Variants in SIL1 observed in about 807,000 individuals in gnomAD.
SIL1 encodes the protein nucleotide exchange factor SIL1.
Under a neutral mutation model 49.1 loss-of-function variants are expected in SIL1, and 40 were observed. The ratio of observed to expected loss-of-function variants is 0.81; its 90% CI spans 0.63 to 1.06. SIL1 has a LOEUF of 1.06. Ranked by LOEUF, SIL1 falls within the 50% of genes least tolerant of loss-of-function variation. The pLI is 0.00. For missense variants in SIL1, 500 were observed against 572.6 expected (o/e 0.87, Z 1.29); for synonymous variants, 253 against 250.8 (o/e 1.01, Z -0.08).
chr5:139,047,005 C>T (rs562128019), intron 4 of SIL1, among the ~76,000 whole-genome samples: 21 of 152,332 alleles, frequency 1.4e-4, no homozygotes, highest in African/African-American at 3.1e-4. Flanking sequence ...TATCCCAATG[C>T]CTGGCACGTG....
At chr5:138,977,465 C>CT (rs1003729639) in intron 7 of SIL1, among the ~76,000 whole-genome samples, 78 of 150,084 alleles carry the variant, frequency 5.2e-4, no homozygotes, top group African/African-American at 1.6e-3. Flanking sequence ...TCAGAGGAAT[C>CT]TTTTTTTTTT....
chr5:139,141,795 CTG>C (rs1182793726), intron 1 of SIL1, among the ~76,000 whole-genome samples: 2 of 152,218 alleles, frequency 1.3e-5, no homozygotes, highest in African/African-American at 2.4e-5. Context: ...TTATGGAAAA[CTG>C]TGCTCAATGG....
intron 7 of SIL1, among the ~76,000 whole-genome samples, chr5:138,968,273 C>G (rs772777871): frequency 1.3e-4 from 20 of 152,136 alleles, no homozygotes; most frequent in Non-Finnish European, 2.1e-4. Flanking sequence ...CCTCCCCTGG[C>G]CCCTGGGGAA....
At chr5:139,137,192 T>C in intron 1 of SIL1, 2 of 583,312 alleles carry the variant, frequency 3.4e-6, no homozygotes, top group Non-Finnish European at 6.2e-6. Flanking sequence ...ATAATTATAG[T>C]CAACATTTAT....
intron 7 of SIL1, among the ~76,000 whole-genome samples, chr5:139,001,263 T>G (rs1040494937): frequency 2.6e-5 from 4 of 152,210 alleles, no homozygotes; most frequent in Admixed American, 2.0e-4. Flanking sequence ...ACATAGTGGT[T>G]TATTTCCACT....
chr5:139,096,151 G>A (rs1770458006), intron 3 of SIL1, among the ~76,000 whole-genome samples: 1 of 152,172 alleles, frequency 6.6e-6, no homozygotes, highest in Admixed American at 6.5e-5. Flanking sequence ...CACAGCAACT[G>A]TGAGGCACTG....
intron 1 of SIL1, among the ~76,000 whole-genome samples, chr5:139,137,143 T>C (rs945671511): frequency 6.6e-6 from 1 of 152,260 alleles, no homozygotes; most frequent in Admixed American, 6.5e-5. Context: ...TCAAATATAC[T>C]ATCTGGGCAT....
intron 1 of SIL1, among the ~76,000 whole-genome samples, chr5:139,149,016 G>C (rs571592632): frequency 1.3e-5 from 2 of 152,030 alleles, no homozygotes; most frequent in African/African-American, 4.8e-5. Context: ...TAATATCACA[G>C]ACTCTCACCC....
chr5:139,170,093 T>C (rs1751717551), intron 1 of SIL1, among the ~76,000 whole-genome samples: 2 of 152,212 alleles, frequency 1.3e-5, no homozygotes, highest in South Asian at 4.1e-4. Flanking sequence ...GGTCTCCAGC[T>C]CCTAACCGCG....
At position 139,176,126 on chromosome 5, in the gene SIL1, G is replaced by A. The variant is rs190095122; in HGVS notation, c.-11+22143C>T. ...TCCTCCCACATCGGCCTCCCAAAGT[G>A]CTGGGATTACAAGCATGAGCCACTG... On this transcript the variant is annotated intron_variant, in intron 1 of 9. Coordinates refer to ENST00000394817, the MANE Select transcript of SIL1 (RefSeq NM_022464.5). 4.8e-3 allele frequency among the ~76,000 whole-genome samples: 723 copies of A among 152,210 alleles called. 3 individuals carry two copies. The highest frequency in any genetic ancestry group is 0.017 in the African/African-American group (689 of 41,532).
At chr5:139,196,485 C>T (rs1423078187) in intron 1 of SIL1, 1 of 152,194 alleles carries the variant, frequency 6.6e-6, no homozygotes, top group East Asian at 1.9e-4. Flanking sequence ...CAATGAAACA[C>T]ACCAGGGCTC....
intron 1 of SIL1, among the ~76,000 whole-genome samples, chr5:139,132,111 G>T (rs1750877037): frequency 6.6e-6 from 1 of 152,110 alleles, no homozygotes; most frequent in Non-Finnish European, 1.5e-5. Context: ...TACAGCTAGG[G>T]ATCAACAACG....
At chr5:138,988,420 C>T (rs1236932939) in intron 7 of SIL1, among the ~76,000 whole-genome samples, 2 of 152,188 alleles carry the variant, frequency 1.3e-5, no homozygotes, top group African/African-American at 4.8e-5. Context: ...TTTTGTGAGT[C>T]ATATTGGCTC....
chr5:139,051,266 A>C, intron 3 of SIL1: 2 of 578,912 alleles, frequency 3.5e-6, no homozygotes, highest in African/African-American at 1.9e-5. Flanking sequence ...ATGACGTAAG[A>C]TGGGCAAGAG....
intron 7 of SIL1, among the ~76,000 whole-genome samples, chr5:138,989,944 T>C (rs1767722298): frequency 6.6e-6 from 1 of 152,020 alleles, no homozygotes; most frequent in Non-Finnish European, 1.5e-5. Flanking sequence ...GCAGCAGAGG[T>C]ACTGAGTGGG....
intron 4 of SIL1, among the ~76,000 whole-genome samples, chr5:139,048,369 G>GTTTTTTTTTTTTTTTT (rs35482601): frequency 1.1e-5 from 1 of 87,760 alleles, no homozygotes; most frequent in African/African-American, 4.6e-5. Context: ...TTTGTTGTTG[G>GTTTTTTTTTTTTTTTT]TTTTTTTTTT....
chr5:139,107,882 AT>A (rs1770751921), intron 3 of SIL1: 1 of 152,194 alleles, frequency 6.6e-6, no homozygotes, highest in African/African-American at 2.4e-5. Flanking sequence ...TACTACCCCT[AT>A]TTTACAGAGA....
At chr5:139,174,627 G>T (rs1751840634) in intron 1 of SIL1, among the ~76,000 whole-genome samples, 1 of 151,548 alleles carries the variant, frequency 6.6e-6, no homozygotes, top group Non-Finnish European at 1.5e-5. Flanking sequence ...AGTACAGCAA[G>T]ACCCCATTTC....
At chr5:139,044,892 TA>T (rs2150448064) in intron 4 of SIL1, among the ~76,000 whole-genome samples, 1 of 152,332 alleles carries the variant, frequency 6.6e-6, no homozygotes, top group Non-Finnish European at 1.5e-5. Context: ...CCAGCTTTTT[TA>T]TTCCTATTTA....
Sources: gnomAD v4.1 joint callset for allele counts (sites outside exome capture counted in the v4.1 genomes callset) on GRCh38, gnomAD v4.1.1 for gene constraint, MANE v1.5 for transcripts, NCBI Gene and HGNC (gene_info 2026-07-23, HGNC 2026-07-21) for gene names.